Variants in DCAF8L2 observed in about 807,000 individuals in gnomAD.
The protein encoded by DCAF8L2 is DDB1- and CUL4-associated factor 8-like protein 2.
For missense variants in DCAF8L2, 430 were observed against 490.7 expected (o/e 0.88, Z 1.17); for synonymous variants, 200 against 190.9 (o/e 1.05, Z -0.39).
At chrX:27,733,580 G>A (rs1320744710) in intron 4 of DCAF8L2, among the ~76,000 whole-genome samples, 3 of 111,660 alleles carry the variant, frequency 2.7e-5, no homozygotes, top group Non-Finnish European at 5.6e-5. Flanking sequence ...CTTGTAGTAT[G>A]ATATGCCACA....
At chrX:27,598,968 A>T (rs867447891) in intron 1 of DCAF8L2, among the ~76,000 whole-genome samples, 4 of 81,247 alleles carry the variant, frequency 4.9e-5, no homozygotes, top group African/African-American at 1.8e-4. Context: ...CTCAAAAAAA[A>T]AAAAAAATAT....
chrX:27,549,137 T>C, the DCAF8L2 span, among the ~76,000 whole-genome samples: 2 of 111,536 alleles, frequency 1.8e-5, no homozygotes, highest in Admixed American at 9.6e-5. Context: ...GGAGGTAGCA[T>C]TATTTAGTGG....
At chrX:27,615,524 AATCTATCTATCT>A (rs368679663) in intron 1 of DCAF8L2, among the ~76,000 whole-genome samples, 1 of 104,430 alleles carries the variant, frequency 9.6e-6, no homozygotes, top group Admixed American at 1.0e-4. Context: ...AGATTCTATC[AATCTATCTATCT>A]ATCTATCTAT....
At chrX:27,526,678 G>C in the DCAF8L2 span, among the ~76,000 whole-genome samples, 1 of 112,259 alleles carries the variant, frequency 8.9e-6, no homozygotes, top group Non-Finnish European at 1.9e-5. Context: ...GGTCTTTGAT[G>C]ATGGTGATGT....
At chrX:27,501,232 ACCTCCCCCTCCT>A in the DCAF8L2 span, among the ~76,000 whole-genome samples, 1 of 83,989 alleles carries the variant, frequency 1.2e-5, no homozygotes, top group African/African-American at 4.3e-5. Context: ...TCCTCGTCCT[ACCTCCCCCTCCT>A]CCTCCCCCTC....
chrX:27,575,403 C>A, the DCAF8L2 span, among the ~76,000 whole-genome samples: 1 of 110,943 alleles, frequency 9.0e-6, no homozygotes, highest in Non-Finnish European at 1.9e-5. Flanking sequence ...CATTTGGGCT[C>A]GAAAGTAGGA....
the DCAF8L2 span, among the ~76,000 whole-genome samples, chrX:27,476,013 A>G: frequency 2.7e-5 from 3 of 111,293 alleles, no homozygotes; most frequent in East Asian, 2.8e-4. Flanking sequence ...CAACCTAAAC[A>G]TATCAGGGAA....
Position 27,590,389 on chromosome X carries a change from A to C in DCAF8L2, c.-393A>C. ...CATCCTCCCCACAAGGTTATTTAGAAGACGTCTTGCACTGTTCAAATGCAG... is the reference window on the plus strand; with the variant it reads ...CATCCTCCCCACAAGGTTATTTAGACGACGTCTTGCACTGTTCAAATGCAG... On this transcript the variant is annotated 5_prime_UTR_variant, in exon 1 of 5. Coordinates refer to ENST00000451261, the MANE Select transcript of DCAF8L2 (RefSeq NM_001353450.2). 1 of 111,732 alleles carries C rather than the reference A, an allele frequency of 8.9e-6. No homozygotes were observed. Among genetic ancestry groups the C allele is most frequent in the Admixed American group, 9.6e-5 (1 of 10,442 alleles). 9.2% of individuals were successfully genotyped at this position (111,732 alleles called of 1,213,427 possible).
At chrX:27,658,064 T>C (rs1385628812) in intron 2 of DCAF8L2, among the ~76,000 whole-genome samples, 1 of 112,818 alleles carries the variant, frequency 8.9e-6, no homozygotes, top group East Asian at 2.8e-4. Context: ...TATGTGTATG[T>C]TTGTGTTGGC....
intron 1 of DCAF8L2, among the ~76,000 whole-genome samples, chrX:27,598,350 C>A (rs1210395466): frequency 1.8e-5 from 2 of 110,791 alleles, no homozygotes; most frequent in African/African-American, 6.7e-5. Context: ...ATATAACCCC[C>A]CCCACCCAAC....
chrX:27,681,204 T>TACAC (rs750698716), intron 3 of DCAF8L2, among the ~76,000 whole-genome samples: 39 of 106,721 alleles, frequency 3.7e-4, no homozygotes, highest in African/African-American at 9.6e-4. Flanking sequence ...AGAAATTAAA[T>TACAC]ACACACACAC....
chrX:27,468,977 A>C, the DCAF8L2 span, among the ~76,000 whole-genome samples: 1 of 111,683 alleles, frequency 9.0e-6, no homozygotes, highest in Non-Finnish European at 1.9e-5. Context: ...AGTCCTGGTT[A>C]TTGTCTTCCC....
intron 2 of DCAF8L2, among the ~76,000 whole-genome samples, chrX:27,638,384 AAATGTAATTGATTTACTTG>A (rs1338233616): frequency 1.8e-5 from 2 of 111,728 alleles, no homozygotes; most frequent in African/African-American, 6.5e-5. Context: ...GATGGCTACT[AAATGTAATTGATTTACTTG>A]AATCAAGCCT....
At chrX:27,518,958 T>C in the DCAF8L2 span, 79 of 612,920 alleles carry the variant, frequency 1.3e-4, no homozygotes, top group African/African-American at 1.5e-3. Context: ...CTGATTTTGT[T>C]TTTTATGCAC....
chrX:27,726,618 TC>T (rs1932079535), intron 4 of DCAF8L2, among the ~76,000 whole-genome samples: 1 of 111,432 alleles, frequency 9.0e-6, no homozygotes, highest in African/African-American at 3.3e-5. Flanking sequence ...TGTCCTGCCT[TC>T]CAACAACAGA....
the DCAF8L2 span, among the ~76,000 whole-genome samples, chrX:27,519,986 T>A: frequency 1.8e-5 from 2 of 111,874 alleles, no homozygotes; most frequent in Non-Finnish European, 3.8e-5. Flanking sequence ...AATTCCAATG[T>A]TTATGTAAAA....
chrX:27,528,474 G>GTTTA, the DCAF8L2 span, among the ~76,000 whole-genome samples: 1 of 34,976 alleles, frequency 2.9e-5, no homozygotes, highest in Non-Finnish European at 5.9e-5. Flanking sequence ...TTATGTGTAT[G>GTTTA]TGTATATATA....
chrX:27,470,513 A>G, the DCAF8L2 span, among the ~76,000 whole-genome samples: 1 of 112,323 alleles, frequency 8.9e-6, no homozygotes, highest in Non-Finnish European at 1.9e-5. Context: ...TGCCGGCCAT[A>G]TACTACTGGT....
At chrX:27,512,888 A>C in the DCAF8L2 span, among the ~76,000 whole-genome samples, 1 of 108,350 alleles carries the variant, frequency 9.2e-6, no homozygotes, top group Non-Finnish European at 1.9e-5. Context: ...TACTGGCATA[A>C]AAACAGACAC....
Sources: allele counts gnomAD v4.1 joint callset (sites outside exome capture counted in the v4.1 genomes callset), GRCh38; gene constraint gnomAD v4.1.1; transcripts MANE v1.5; gene names NCBI Gene and HGNC (gene_info 2026-07-23, HGNC 2026-07-21).